The following RELN variants were observed in gnomAD, a reference collection of about 807,000 sequenced individuals.
RELN encodes the protein reelin.
In RELN, 108 loss-of-function variants were observed where a neutral mutation model predicts 427.6. That is an observed-to-expected ratio of 0.25 (90% CI 0.22 to 0.30). RELN has a LOEUF of 0.30. RELN is among the 10% of genes least tolerant of loss of function. The pLI is 1.00. For synonymous variants in RELN, 1,524 were observed against 1,513.4 expected, an observed-to-expected ratio of 1.01 and a Z score of -0.16; for missense variants, 3,715 against 4,302.8, an observed-to-expected ratio of 0.86 and a Z score of 3.82.
chr7:103,547,189 A>G (rs1410392493), intron 41 of RELN, among the ~76,000 whole-genome samples: 1 of 152,252 alleles, frequency 6.6e-6, no homozygotes, highest in African/African-American at 2.4e-5. Context: ...AGAAACAGAA[A>G]TTAGAAGTTA....
chr7:103,773,690 A>T (rs1791665135), intron 4 of RELN, among the ~76,000 whole-genome samples: 1 of 151,646 alleles, frequency 6.6e-6, no homozygotes, highest in Admixed American at 6.6e-5. Context: ...GGCTGGTCTC[A>T]AACTCCTGAC....
chr7:103,775,035 G>T (rs7785495), intron 4 of RELN, among the ~76,000 whole-genome samples: 74,339 of 151,952 alleles, frequency 0.49, 19,301 homozygotes, highest in African/African-American at 0.66. Context: ...CAATAATTCA[G>T]TTATAATAGA....
intron 50 of RELN, among the ~76,000 whole-genome samples, chr7:103,514,983 CT>C (rs1328818844): frequency 6.6e-6 from 1 of 152,108 alleles, no homozygotes; most frequent in Non-Finnish European, 1.5e-5. Flanking sequence ...TAAAAACACA[CT>C]AGCTGGCTTG....
rs758411623 is a variant in RELN at position 103,594,402 on chromosome 7, G to A, written c.3630C>T (p.Asp1210=). 8.1e-6 allele frequency: 13 copies of A among 1,613,924 alleles called. No homozygotes were observed. The highest frequency in any genetic ancestry group is 6.7e-5 in the Admixed American group (4 of 59,986). The part of the protein sequence containing the change: ...WQPVFSGEDY[D]QWAVDDIIIL... Reference sequence around the variant, plus strand: ...TGATGATGTCATCGACTGCCCACTGGTCATAGTCCTCCCCTGAGAACACGG... The same window carrying A: ...TGATGATGTCATCGACTGCCCACTGATCATAGTCCTCCCCTGAGAACACGG... Residue 1210 remains aspartate (D), a synonymous_variant, in exon 26 of 65, where the codon GAC becomes GAT. Coordinates refer to ENST00000428762, the MANE Select transcript of RELN (RefSeq NM_005045.4).
intron 11 of RELN, among the ~76,000 whole-genome samples, chr7:103,663,568 C>T (rs954784343): frequency 2.0e-5 from 3 of 152,154 alleles, no homozygotes; most frequent in Non-Finnish European, 4.4e-5. Context: ...CTTCTTCTCC[C>T]GACCACACGT....
chr7:103,746,941 G>A (rs1790851405), intron 6 of RELN, among the ~76,000 whole-genome samples: 1 of 152,096 alleles, frequency 6.6e-6, no homozygotes, highest in African/African-American at 2.4e-5. Context: ...TACAAATCAT[G>A]CTGCTACAAA....
intron 40 of RELN, 28 bp downstream of exon 40, chr7:103,553,433 G>C: frequency 1.3e-6 from 2 of 1,514,534 alleles, no homozygotes; most frequent in Non-Finnish European, 1.8e-6. Flanking sequence ...AAAATTTAAA[G>C]CATTTATTAT....
chr7:103,487,401 G>T (rs1230748709), intron 60 of RELN, among the ~76,000 whole-genome samples: 1 of 71,264 alleles, frequency 1.4e-5, no homozygotes, highest in Non-Finnish European at 3.0e-5. Context: ...ACTTAAAGTA[G>T]AAAAAAAAAA....
At chr7:103,664,939 G>A (rs1020925563) in intron 11 of RELN, among the ~76,000 whole-genome samples, 2 of 151,964 alleles carry the variant, frequency 1.3e-5, no homozygotes, top group African/African-American at 4.8e-5. Flanking sequence ...GTATGGATGA[G>A]TTTTAATTTT....
At chr7:103,580,493 C>G (rs1021972665) in intron 28 of RELN, among the ~76,000 whole-genome samples, 2 of 152,214 alleles carry the variant, frequency 1.3e-5, no homozygotes, top group East Asian at 3.9e-4. Flanking sequence ...TAAGGACAAT[C>G]TGCTCTTACT....
At chr7:103,642,709 C>T (rs990553052) in intron 16 of RELN, among the ~76,000 whole-genome samples, 1 of 151,956 alleles carries the variant, frequency 6.6e-6, no homozygotes, top group Admixed American at 6.6e-5. Flanking sequence ...TCATTGCACT[C>T]TTAATTTTCT....
chr7:103,579,558 C>A (rs1016413247), intron 28 of RELN, among the ~76,000 whole-genome samples: 1 of 150,636 alleles, frequency 6.6e-6, no homozygotes, highest in Non-Finnish European at 1.5e-5. Context: ...AAGATTGCGC[C>A]CCTGCACTCC....
At chr7:103,831,324 T>C (rs972248668) in intron 3 of RELN, among the ~76,000 whole-genome samples, 3 of 152,104 alleles carry the variant, frequency 2.0e-5, no homozygotes, top group Non-Finnish European at 4.4e-5. Context: ...AATGACAACA[T>C]TGAACATCAT....
Position 103,500,853 on chromosome 7 carries a change from G to A in RELN, c.8559C>T (p.Gly2853=), listed in dbSNP as rs749622361. The change falls in exon 53 of 65, where the codon GGC becomes GGT. Residue 2853 remains glycine, a synonymous_variant. Coordinates refer to ENST00000428762, the MANE Select transcript of RELN (RefSeq NM_005045.4). The part of the protein sequence containing the change: ...MQWAIDNFYL[G]PGCLDNCRGH... ...CCCTGCAGTTGTCCAAGCATCCAGG[G>A]CCCAGGTAGAAATTATCGATTGCCC... The A allele has an allele frequency of 5.6e-6, 9 of 1,613,926 alleles. No homozygotes were observed. The highest frequency in any genetic ancestry group is 1.1e-5 in the South Asian group (1 of 91,088).
chr7:103,921,892 G>T (rs1020841293), intron 1 of RELN, among the ~76,000 whole-genome samples: 5 of 152,070 alleles, frequency 3.3e-5, no homozygotes. Flanking sequence ...AGGTATTCAG[G>T]TGCAGGTTCA....
At chr7:103,961,643 G>C (rs1479398873) in intron 1 of RELN, among the ~76,000 whole-genome samples, 2 of 152,176 alleles carry the variant, frequency 1.3e-5, no homozygotes, top group African/African-American at 4.8e-5. Flanking sequence ...ACTTGGGATT[G>C]TGAGTCTAGG....
intron 8 of RELN, among the ~76,000 whole-genome samples, chr7:103,720,793 C>A (rs568551535): frequency 6.6e-6 from 1 of 152,132 alleles, no homozygotes; most frequent in Non-Finnish European, 1.5e-5. Context: ...CAGTCTGGCC[C>A]TCATATCACC....
At chr7:103,981,894 C>A (rs1796998180) in intron 1 of RELN, among the ~76,000 whole-genome samples, 1 of 152,176 alleles carries the variant, frequency 6.6e-6, no homozygotes, top group Non-Finnish European at 1.5e-5. Flanking sequence ...TGACTGGGTG[C>A]AGTGGCTCAT....
At chr7:103,588,009 C>T (rs1304182569) in intron 28 of RELN, among the ~76,000 whole-genome samples, 2 of 152,098 alleles carry the variant, frequency 1.3e-5, no homozygotes, top group Non-Finnish European at 2.9e-5. Context: ...ATAAAATTAC[C>T]ATATGATCCA....
Sources: allele counts gnomAD v4.1 joint callset (sites outside exome capture counted in the v4.1 genomes callset), GRCh38; gene constraint gnomAD v4.1.1; transcripts MANE v1.5; gene names NCBI Gene and HGNC (gene_info 2026-07-23, HGNC 2026-07-21).